The following ZNF578 variants were observed in gnomAD, a reference collection of about 807,000 sequenced individuals.
ZNF578 encodes the protein zinc finger protein 578, also known as Putative chemokine-related protein B42.
ZNF578 carries 8 observed loss-of-function variants against 8.3 expected under a neutral mutation model. The observed-to-expected ratio is 0.96, with a 90% confidence interval of 0.56 to 1.74. The LOEUF (loss-of-function observed/expected upper bound fraction) is 1.74, where lower values mean the gene tolerates loss of function less well. ZNF578 is among the 40% of genes most tolerant of loss of function. The pLI is 0.00. For missense variants in ZNF578, 726 were observed against 707.5 expected, an observed-to-expected ratio of 1.03 and a Z score of -0.30; for synonymous variants, 206 against 232.2, an observed-to-expected ratio of 0.89 and a Z score of 1.03.
At position 52,456,914 on chromosome 19, in the gene ZNF578, G is replaced by C. The variant is rs545079911; in HGVS notation, c.-166G>C. On this transcript the variant is annotated 5_prime_UTR_variant, in exon 2 of 6. Coordinates refer to ENST00000421239, the MANE Select transcript of ZNF578 (RefSeq NM_001099694.2). ...TCATCTCTCCTAAGGAAGAAGCCTA[G>C]AAGAGGAGGAAGAGGAAAGAAAAGG... The C allele has an allele frequency of 1.3e-5, 2 of 153,466 alleles. No homozygotes were observed. Among genetic ancestry groups the C allele is most frequent in the Admixed American group, 1.3e-4 (2 of 15,306 alleles). 9.5% of individuals were successfully genotyped at this position (153,466 alleles called of 1,614,324 possible).
intron 2 of ZNF578, chr19:52,473,626 G>A: frequency 5.1e-6 from 1 of 196,660 alleles, no homozygotes; most frequent in South Asian, 1.8e-4. Flanking sequence ...TTTGATTAAA[G>A]GCTCTGCCAC....
At chr19:52,468,038 G>A (rs1879526105) in intron 2 of ZNF578, among the ~76,000 whole-genome samples, 1 of 151,684 alleles carries the variant, frequency 6.6e-6, no homozygotes, top group African/African-American at 2.4e-5. Flanking sequence ...TCATTTATGT[G>A]CCCCCTAAAC....
chr19:52,502,771 C>G (rs927984550), intron 4 of ZNF578, among the ~76,000 whole-genome samples: 2 of 152,094 alleles, frequency 1.3e-5, no homozygotes, highest in Admixed American at 6.6e-5. Flanking sequence ...AGGTGTCGCT[C>G]TGTGGCTTAG....
intron 3 of ZNF578, among the ~76,000 whole-genome samples, chr19:52,501,166 T>C (rs976278850): frequency 7.9e-5 from 12 of 152,144 alleles, no homozygotes; most frequent in Non-Finnish European, 1.6e-4. Flanking sequence ...CGAGAGCCCC[T>C]GCGTCTGGCC....
intron 2 of ZNF578, among the ~76,000 whole-genome samples, chr19:52,463,952 CA>C (rs1413822164): frequency 1.3e-5 from 2 of 151,592 alleles, no homozygotes; most frequent in Non-Finnish European, 2.9e-5. Context: ...TAATGATTAT[CA>C]ATACATCCAA....
rs756598414 is a variant in ZNF578 at position 52,482,180 on chromosome 19, T to C, written c.-121-9144T>C. On this transcript the variant is annotated intron_variant, in intron 2 of 5. Transcript: ENST00000421239. ...TCCGGAGTAGCTGGGATTACAGGCA[T>C]GCACCACAACGCCCGGCTAATTTTG... 7.8e-4 allele frequency among the ~76,000 whole-genome samples: 119 copies of C among 152,260 alleles called. No homozygotes were observed. In the Middle Eastern group the frequency reaches 0.01, roughly 13 times the overall value.
intron 2 of ZNF578, among the ~76,000 whole-genome samples, chr19:52,464,966 G>A (rs1263042682): frequency 6.6e-6 from 1 of 152,180 alleles, no homozygotes; most frequent in Non-Finnish European, 1.5e-5. Context: ...AGGTTGTAAA[G>A]CTCTCATCGG....
intron 2 of ZNF578, among the ~76,000 whole-genome samples, chr19:52,476,827 A>G (rs953138377): frequency 6.6e-6 from 1 of 152,214 alleles, no homozygotes; most frequent in Non-Finnish European, 1.5e-5. Context: ...TATTACTGAC[A>G]CATCAGCTCC....
chr19:52,454,156 C>G (rs750097776), intron 1 of ZNF578: 19 of 152,206 alleles, frequency 1.2e-4, no homozygotes, highest in Non-Finnish European at 2.5e-4. Flanking sequence ...AGTGTTTTTC[C>G]GTTCCAAATT....
At chr19:52,500,289 G>A (rs7258002) in intron 3 of ZNF578, among the ~76,000 whole-genome samples, 29,019 of 152,074 alleles carry the variant, frequency 0.19, 2,992 homozygotes, top group Non-Finnish European at 0.23. Flanking sequence ...TAAGAAGTAC[G>A]TTGGTTTGGT....
Position 52,512,196 on chromosome 19 carries a change from A to G in ZNF578, c.*42A>G. 6.2e-7 allele frequency: 1 copy of G among 1,610,368 alleles called. No homozygotes were observed. The highest frequency in any genetic ancestry group is 1.3e-5 in the African/African-American group (1 of 74,868). On this transcript the variant is annotated 3_prime_UTR_variant, in exon 6 of 6. Transcript: ENST00000421239. ...AAACCTTACAAATGTGAAGCATGTG[A>G]CAAAGTTTTCAGTCACAGATCACGC...
chr19:52,489,839 G>A (rs563230350), intron 2 of ZNF578, among the ~76,000 whole-genome samples: 21 of 151,956 alleles, frequency 1.4e-4, no homozygotes, highest in Admixed American at 1.2e-3. Context: ...TGTACTTTTA[G>A]TAGAGATGGG....
At chr19:52,488,956 A>G (rs1045080187) in intron 2 of ZNF578, among the ~76,000 whole-genome samples, 8 of 151,766 alleles carry the variant, frequency 5.3e-5, no homozygotes, top group African/African-American at 1.9e-4. Flanking sequence ...TTAGCTGGCC[A>G]TGTTTACACA....
rs1329610861 is a variant in ZNF578 at position 52,503,843 on chromosome 19, G to A, written c.64-812G>A. Among the ~76,000 whole-genome samples, 7 of 142,510 alleles carry A rather than the reference G, an allele frequency of 4.9e-5. No homozygotes were observed. The East Asian group carries it at 5.9e-4, about 12-fold the overall frequency. 93.5% of individuals were successfully genotyped at this position (142,510 alleles called of 152,430 possible). On this transcript the variant is annotated intron_variant, in intron 4 of 5. Transcript: ENST00000421239. Reference sequence around the variant, plus strand: ...AGATGGAGTCTTGCTCTGTTGCCAGGCTAAAGTGCAGTGGTGCAATCTCAG... The same window carrying A: ...AGATGGAGTCTTGCTCTGTTGCCAGACTAAAGTGCAGTGGTGCAATCTCAG...
At chr19:52,457,101 G>A (rs2059242084) in intron 2 of ZNF578, 143 bp downstream of exon 2, 1 of 152,612 alleles carries the variant, frequency 6.6e-6, no homozygotes, top group Admixed American at 6.5e-5. Context: ...TTGTTGTAAT[G>A]TTGGATGTGT....
chr19:52,500,829 G>A (rs992831729), intron 3 of ZNF578, among the ~76,000 whole-genome samples: 1 of 151,090 alleles, frequency 6.6e-6, no homozygotes, highest in African/African-American at 2.4e-5. Flanking sequence ...AGTGATTTTG[G>A]GCCCCAAGAT....
intron 2 of ZNF578, among the ~76,000 whole-genome samples, chr19:52,482,510 C>T (rs145798805): frequency 1.4e-3 from 213 of 151,964 alleles, no homozygotes; most frequent in African/African-American, 4.9e-3. Flanking sequence ...TGGTGGCAGA[C>T]GCCTGTAATC....
rs2059445707 is a variant in ZNF578 at position 52,511,399 on chromosome 19, G to A, written c.1018G>A (p.Glu340Lys). 6.2e-7 allele frequency: 1 copy of A among 1,614,098 alleles called. No individual in the cohort carries two copies. The highest frequency in any genetic ancestry group is 8.5e-7 in the Non-Finnish European group (1 of 1,179,984). Residue 340 changes from glutamate (E) to lysine (K), a missense_variant, in exon 6 of 6, where the codon GAG becomes AAG. By Grantham distance (56) the Glu-to-Lys change is moderately conservative. Transcript: ENST00000421239. ...LTCHHRCHTG[E>K]KPYKCNECGK... is the part of the protein sequence containing the mutation. The stretch of plus-strand genomic sequence containing the variant: ...ATGCCATCATAGGTGTCACACTGGT[G>A]AGAAACCTTACAAGTGTAATGAATG...
Position 52,468,282 on chromosome 19 carries a change from ATAAAT to A in ZNF578, c.-122+11327_-122+11331del, listed in dbSNP as rs537354044. 2.0e-3 allele frequency among the ~76,000 whole-genome samples: 306 copies of A among 152,322 alleles called. 2 individuals are homozygous for A. Among genetic ancestry groups the A allele is most frequent in the African/African-American group, 7.1e-3 (297 of 41,578 alleles). On this transcript the variant is annotated intron_variant, in intron 2 of 5. Coordinates refer to ENST00000421239, the MANE Select transcript of ZNF578 (RefSeq NM_001099694.2). ...TATTATATATAACAATTAGATAATG[ATAAAT>A]TATATTATGTAAATAAACACTTCAC...
Sources: allele counts gnomAD v4.1 joint callset (sites outside exome capture counted in the v4.1 genomes callset), GRCh38; gene constraint gnomAD v4.1.1; transcripts MANE v1.5; gene names NCBI Gene and HGNC (gene_info 2026-07-23, HGNC 2026-07-21).